The following SLC14A2 variants were observed in gnomAD, a reference collection of about 807,000 sequenced individuals.
SLC14A2 encodes the protein solute carrier family 14 member 2.
SLC14A2 carries 91 observed loss-of-function variants against 104.6 expected under a neutral mutation model. That is an observed-to-expected ratio of 0.87 (90% CI 0.73 to 1.04). The LOEUF is 1.04. Among genes scored for constraint, SLC14A2 ranks in the 50% least tolerant of loss-of-function variants. SLC14A2 has a pLI of 0.00. For missense variants in SLC14A2, 1,189 were observed against 1,156.0 expected (o/e 1.03, Z -0.41); for synonymous variants, 476 against 466.4 (o/e 1.02, Z -0.27).
intron 1 of SLC14A2, among the ~76,000 whole-genome samples, chr18:45,268,711 A>G (rs1320032169): frequency 1.3e-5 from 2 of 152,206 alleles, no homozygotes; most frequent in Non-Finnish European, 2.9e-5. Flanking sequence ...GACTGCAGGC[A>G]TTTCATCTGT....
At chr18:45,425,081 G>T (rs2086405582) in intron 1 of SLC14A2, among the ~76,000 whole-genome samples, 1 of 152,132 alleles carries the variant, frequency 6.6e-6, no homozygotes, top group Non-Finnish European at 1.5e-5. Flanking sequence ...TTATCTCAAT[G>T]TGTCTTGACT....
At chr18:45,421,313 GT>G (rs2086345493) in intron 1 of SLC14A2, among the ~76,000 whole-genome samples, 2 of 144,564 alleles carry the variant, frequency 1.4e-5, no homozygotes, top group Middle Eastern at 3.5e-3. Context: ...CAATCAACTT[GT>G]TTTTTTGTCA....
chr18:45,598,062 G>C (rs1363787188), intron 2 of SLC14A2, among the ~76,000 whole-genome samples: 1 of 151,972 alleles, frequency 6.6e-6, no homozygotes, highest in Admixed American at 6.6e-5. Context: ...TTACTGAATG[G>C]GACTTTCTAC....
intron 1 of SLC14A2, among the ~76,000 whole-genome samples, chr18:45,380,468 C>T (rs1292922189): frequency 6.6e-6 from 1 of 152,166 alleles, no homozygotes; most frequent in African/African-American, 2.4e-5. Flanking sequence ...TAAAGGTTTA[C>T]TTAAGATTGA....
chr18:45,480,737 T>C (rs1003756834), intron 1 of SLC14A2, among the ~76,000 whole-genome samples: 8 of 152,208 alleles, frequency 5.3e-5, no homozygotes, highest in Non-Finnish European at 8.8e-5. Flanking sequence ...GCACCAAGCA[T>C]CTTGGATTGC....
intron 1 of SLC14A2, among the ~76,000 whole-genome samples, chr18:45,409,832 C>T (rs964081275): frequency 3.3e-5 from 5 of 152,024 alleles, no homozygotes; most frequent in Admixed American, 6.6e-5. Flanking sequence ...TTCCACAGAC[C>T]GGGGTTGGAG....
At chr18:45,375,894 G>A (rs1026617650) in intron 1 of SLC14A2, among the ~76,000 whole-genome samples, 47 of 152,148 alleles carry the variant, frequency 3.1e-4, no homozygotes, top group African/African-American at 1.0e-3. Context: ...GGGGCTCCCT[G>A]TGTCACCCCA....
At chr18:45,236,193 ATGTGTATATATACATATATG>A (rs1475768156) in intron 1 of SLC14A2, among the ~76,000 whole-genome samples, 4 of 56,646 alleles carry the variant, frequency 7.1e-5, no homozygotes, top group African/African-American at 3.3e-4. Context: ...GTGTGTATAT[ATGTGTATATATACATATATG>A]TGTGTATATA....
intron 1 of SLC14A2, among the ~76,000 whole-genome samples, chr18:45,235,839 A>ATATACATATATGTGTG (rs2084222632): frequency 1.1e-5 from 1 of 88,160 alleles, no homozygotes; most frequent in Non-Finnish European, 2.4e-5. Context: ...ATACGTGTAT[A>ATATACATATATGTGTG]TATATATGTA....
At chr18:45,600,800 C>G (rs61677420) in intron 2 of SLC14A2, among the ~76,000 whole-genome samples, 3,965 of 152,236 alleles carry the variant, frequency 0.026, 177 homozygotes, top group African/African-American at 0.088. Flanking sequence ...TTACAAAACG[C>G]AAATTCAAGC....
chr18:45,475,738 CCTT>C (rs1259339111), intron 1 of SLC14A2, among the ~76,000 whole-genome samples: 1 of 132,710 alleles, frequency 7.5e-6, no homozygotes, highest in Non-Finnish European at 1.6e-5. Flanking sequence ...TATGTAATGC[CCTT>C]CTTTGTCTTT....
chr18:45,575,164 A>T (rs2044402004), intron 2 of SLC14A2, among the ~76,000 whole-genome samples: 1 of 152,022 alleles, frequency 6.6e-6, no homozygotes, highest in Non-Finnish European at 1.5e-5. Flanking sequence ...GGTAAAAGGA[A>T]GGTCAGAGTG....
At chr18:45,397,627 T>A (rs1029754231) in intron 1 of SLC14A2, among the ~76,000 whole-genome samples, 3 of 152,226 alleles carry the variant, frequency 2.0e-5, no homozygotes, top group Non-Finnish European at 2.9e-5. Context: ...CTGTTTACGC[T>A]GTTGATAGTT....
At chr18:45,587,820 C>T (rs920904526) in intron 2 of SLC14A2, among the ~76,000 whole-genome samples, 35 of 152,224 alleles carry the variant, frequency 2.3e-4, no homozygotes, top group Admixed American at 8.5e-4. Flanking sequence ...CACCAGTTCA[C>T]GGTCTGCTAT....
intron 1 of SLC14A2, among the ~76,000 whole-genome samples, chr18:45,380,748 A>G (rs2085826240): frequency 6.6e-6 from 1 of 152,172 alleles, no homozygotes; most frequent in South Asian, 2.1e-4. Flanking sequence ...GTTTATGTCC[A>G]ATAGGAGAGT....
At chr18:45,241,753 C>A (rs1250826432) in intron 1 of SLC14A2, among the ~76,000 whole-genome samples, 1 of 150,346 alleles carries the variant, frequency 6.7e-6, no homozygotes, top group East Asian at 2.0e-4. Context: ...AAACGACTCT[C>A]CTGCCTCAGC....
At chr18:45,512,810 G>A (rs976975886) in intron 2 of SLC14A2, among the ~76,000 whole-genome samples, 1 of 152,150 alleles carries the variant, frequency 6.6e-6, no homozygotes, top group Non-Finnish European at 1.5e-5. Context: ...TACTGGATTG[G>A]GGGGAGCTGG....
intron 2 of SLC14A2, among the ~76,000 whole-genome samples, chr18:45,544,874 C>T (rs1446996349): frequency 1.4e-5 from 2 of 147,540 alleles, no homozygotes; most frequent in Non-Finnish European, 3.0e-5. Context: ...CTCACTGCAA[C>T]CTCCGCCCCA....
chr18:45,261,684 T>C (rs928157899), intron 1 of SLC14A2, among the ~76,000 whole-genome samples: 1 of 152,008 alleles, frequency 6.6e-6, no homozygotes, highest in African/African-American at 2.4e-5. Flanking sequence ...TTGTGGTAGT[T>C]TACTGAGAAT....
Sources: gnomAD v4.1 joint callset for allele counts (sites outside exome capture counted in the v4.1 genomes callset) on GRCh38, gnomAD v4.1.1 for gene constraint, MANE v1.5 for transcripts, NCBI Gene and HGNC (gene_info 2026-07-23, HGNC 2026-07-21) for gene names.